The following DCC variants were observed in gnomAD, a reference collection of about 807,000 sequenced individuals.
DCC encodes netrin receptor DCC.
Under a neutral mutation model 172.5 loss-of-function variants are expected in DCC, and 58 were observed. The observed-to-expected ratio is 0.34, with a 90% CI of 0.27 to 0.42. The LOEUF (loss-of-function observed/expected upper bound fraction) is 0.42. DCC is among the 10% of genes least tolerant of loss of function. DCC has a pLI of 1.00. For missense variants in DCC, 1,740 were observed against 1,791.0 expected, an observed-to-expected ratio of 0.97 and a Z score of 0.51; for synonymous variants, 709 against 644.5, an observed-to-expected ratio of 1.10 and a Z score of -1.52.
chr18:52,729,623 T>A (rs1325472485), intron 1 of DCC, among the ~76,000 whole-genome samples: 1 of 152,220 alleles, frequency 6.6e-6, no homozygotes, highest in African/African-American at 2.4e-5. Context: ...TATATTCAAA[T>A]TTTAACACAC....
intron 5 of DCC, among the ~76,000 whole-genome samples, chr18:53,011,384 T>C (rs2041728824): frequency 6.6e-6 from 1 of 151,786 alleles, no homozygotes; most frequent in Admixed American, 6.6e-5. Flanking sequence ...TAGCTTTGAC[T>C]GTATTTTCCT....
Position 53,535,043 on chromosome 18 carries a change from A to C in DCC, c.*4390A>C, listed in dbSNP as rs1209900499. 1 of 147,218 alleles carries C rather than the reference A, an allele frequency of 6.8e-6. No homozygotes were observed. The highest frequency in any genetic ancestry group is 1.5e-5 in the Non-Finnish European group (1 of 67,734). 9.1% of individuals were successfully genotyped at this position (147,218 alleles called of 1,614,324 possible). On this transcript the variant is annotated 3_prime_UTR_variant, in exon 29 of 29. Coordinates refer to ENST00000442544, the MANE Select transcript of DCC (RefSeq NM_005215.4). ...GGATCTCACTGTGTGCTGAACATGTATTTTCAGATGCAAGAAAGGAATGAT... is the reference window on the plus strand; with the variant it reads ...GGATCTCACTGTGTGCTGAACATGTCTTTTCAGATGCAAGAAAGGAATGAT...
At chr18:53,124,966 T>A (rs2043534394) in intron 7 of DCC, among the ~76,000 whole-genome samples, 1 of 149,226 alleles carries the variant, frequency 6.7e-6, no homozygotes, top group East Asian at 2.0e-4. Context: ...TGAGACTCCA[T>A]CTCAAAAAAA....
chr18:52,736,426 G>T (rs999871900), intron 1 of DCC, among the ~76,000 whole-genome samples: 9 of 151,996 alleles, frequency 5.9e-5, no homozygotes, highest in Non-Finnish European at 1.3e-4. Context: ...GCAAGAGAAT[G>T]GATCTTGCTG....
chr18:53,063,753 T>G (rs2042528777), intron 6 of DCC: 13 of 351,828 alleles, frequency 3.7e-5, no homozygotes, highest in South Asian at 3.4e-4. Flanking sequence ...TTTCACAGTT[T>G]CACTGCTGGT....
intron 5 of DCC, among the ~76,000 whole-genome samples, chr18:53,043,639 G>C (rs1186613199): frequency 6.6e-6 from 1 of 151,818 alleles, no homozygotes; most frequent in Admixed American, 6.6e-5. Context: ...TTTGCCAAAG[G>C]AGAGTTTTGG....
chr18:52,549,525 C>G (rs1313448525), intron 1 of DCC, among the ~76,000 whole-genome samples: 2 of 152,072 alleles, frequency 1.3e-5, no homozygotes, highest in Non-Finnish European at 2.9e-5. Flanking sequence ...GACTTGTCCT[C>G]CACACGGTGA....
chr18:52,413,144 C>A (rs1450160800), intron 1 of DCC, among the ~76,000 whole-genome samples: 1 of 150,822 alleles, frequency 6.6e-6, no homozygotes, highest in Non-Finnish European at 1.5e-5. Context: ...GCTTTGGTTT[C>A]TCTGTTTTAA....
intron 2 of DCC, among the ~76,000 whole-genome samples, chr18:52,811,612 AAAG>A (rs1351865770): frequency 2.7e-4 from 41 of 152,318 alleles, no homozygotes; most frequent in African/African-American, 6.7e-4. Context: ...TTACATTACA[AAAG>A]AAGTAAACAA....
intron 1 of DCC, among the ~76,000 whole-genome samples, chr18:52,475,477 G>T (rs74546593): frequency 0.019 from 2,846 of 152,196 alleles, 96 homozygotes; most frequent in African/African-American, 0.065. Flanking sequence ...CTTGAAACAG[G>T]AAGGAATGGA....
intron 26 of DCC, among the ~76,000 whole-genome samples, chr18:53,488,565 A>T (rs2045927618): frequency 1.3e-5 from 2 of 152,156 alleles, no homozygotes; most frequent in Non-Finnish European, 2.9e-5. Flanking sequence ...GAGATCCAAC[A>T]TCAATTTACT....
At chr18:52,678,894 A>G (rs567740055) in intron 1 of DCC, among the ~76,000 whole-genome samples, 1 of 152,046 alleles carries the variant, frequency 6.6e-6, no homozygotes, top group South Asian at 2.1e-4. Context: ...CTATTGTTAA[A>G]TTTACCAGCT....
chr18:52,891,690 A>G (rs890744095), intron 2 of DCC, among the ~76,000 whole-genome samples: 7 of 152,118 alleles, frequency 4.6e-5, no homozygotes, highest in African/African-American at 1.7e-4. Flanking sequence ...TTTACTTGGA[A>G]ACTGAGGTTT....
chr18:53,196,680 CATT>C (rs1379888319), intron 9 of DCC, among the ~76,000 whole-genome samples: 1 of 152,078 alleles, frequency 6.6e-6, no homozygotes, highest in Non-Finnish European at 1.5e-5. Flanking sequence ...CTATATCACA[CATT>C]ATATATGTGT....
intron 5 of DCC, among the ~76,000 whole-genome samples, chr18:52,952,187 C>T (rs760262135): frequency 6.6e-5 from 10 of 151,998 alleles, no homozygotes; most frequent in African/African-American, 1.2e-4. Flanking sequence ...TTAAATTGTC[C>T]GTGTCCTTAT....
At chr18:52,373,575 A>G (rs1283974302) in intron 1 of DCC, among the ~76,000 whole-genome samples, 1 of 152,124 alleles carries the variant, frequency 6.6e-6, no homozygotes, top group Non-Finnish European at 1.5e-5. Context: ...CTCCCTGTAC[A>G]TTGTGGGGGT....
At chr18:52,841,073 TGAG>T (rs2038797709) in intron 2 of DCC, among the ~76,000 whole-genome samples, 1 of 152,280 alleles carries the variant, frequency 6.6e-6, no homozygotes, top group African/African-American at 2.4e-5. Flanking sequence ...GAGACTTGAA[TGAG>T]GAGAAGTAGT....
chr18:52,779,141 C>A (rs62081956), intron 2 of DCC, among the ~76,000 whole-genome samples: 1,806 of 152,106 alleles, frequency 0.012, 16 homozygotes, highest in Non-Finnish European at 0.019. Flanking sequence ...CTTCTGATGG[C>A]CCTTTGCATA....
intron 1 of DCC, among the ~76,000 whole-genome samples, chr18:52,439,688 CAG>C (rs1251186611): frequency 6.6e-6 from 1 of 152,152 alleles, no homozygotes; most frequent in South Asian, 2.1e-4. Flanking sequence ...GATCCTTCAA[CAG>C]AGAGAGACAT....
Sources: gnomAD v4.1 joint callset for allele counts (sites outside exome capture counted in the v4.1 genomes callset) on GRCh38, gnomAD v4.1.1 for gene constraint, MANE v1.5 for transcripts, NCBI Gene and HGNC (gene_info 2026-07-23, HGNC 2026-07-21) for gene names.